The following ITGA5 variants were observed in gnomAD, a reference collection of about 807,000 sequenced individuals.
The protein encoded by ITGA5 is integrin subunit alpha 5.
A neutral mutation model predicts 146.3 loss-of-function variants in ITGA5; 55 were observed. That is an observed-to-expected ratio of 0.38 (90% confidence interval 0.30 to 0.47). ITGA5 has a LOEUF of 0.47. Among genes scored for constraint, ITGA5 ranks in the 20% least tolerant of loss-of-function variants. ITGA5 has a pLI of 0.99. For synonymous variants in ITGA5, 500 were observed against 531.8 expected (o/e 0.94, Z 0.82); for missense variants, 1,131 against 1,329.0 (o/e 0.85, Z 2.32).
rs898806137 is a variant in ITGA5, at chr12:54,401,457, C to T, written c.2409G>A (p.Val803=). Residue 803 remains valine, a synonymous_variant, in exon 24 of 30, where the codon GTG becomes GTA. Transcript: ENST00000293379. This position sits in a 1 kb window ranked among gnomAD's most constrained non-coding sequence, Gnocchi z 5.0. ...GATGCCAGTCGCTTACTGGGAATAG[C>T]ACTGCCTCAGGCTTGGAGACACTAA... ...TLNGVSKPEA[V]LFPVSDWHPR... is the part of the protein sequence containing the mutation. 1 of 1,614,002 alleles carries T rather than the reference C, an allele frequency of 6.2e-7. No homozygotes were observed. Among genetic ancestry groups the T allele is most frequent in the Non-Finnish European group, 8.5e-7 (1 of 1,179,976 alleles).
In ITGA5 at chr12:54,403,285, T is replaced by C; in HGVS notation, c.1816A>G (p.Ile606Val). The C allele has an allele frequency of 1.9e-6, 3 of 1,554,722 alleles. No individual in the cohort carries two copies. The highest frequency in any genetic ancestry group is 2.6e-6 in the Non-Finnish European group (3 of 1,153,490). The part of the protein sequence containing the change: ...EFRDKLSPIH[I>V]ALNFSLDPQA... ...GGGTCCAAGGAGAAGTTGAGAGCGA[T>C]GTGAATCGGCGAGAGTTTGTCTCGA... The change falls in exon 18 of 30, where the codon ATC becomes GTC. Residue 606 changes from isoleucine (I) to valine (V), a missense_variant. Transcript: ENST00000293379. The surrounding 1 kb of genome is among the most constrained non-coding windows in gnomAD (Gnocchi z 4.9).
chr12:54,407,420 G>A (rs2280080), intron 9 of ITGA5: 10,908 of 582,122 alleles, frequency 0.019, 292 homozygotes, highest in South Asian at 0.074. Context: ...CAGAACGATT[G>A]TTATCCCAGT....
intron 2 of ITGA5, 102 bp downstream of exon 2, chr12:54,411,732 G>C: frequency 9.7e-7 from 1 of 1,031,952 alleles, no homozygotes; most frequent in South Asian, 2.3e-5. Context: ...TCACGTGGCC[G>C]GGGTTCCAGC....
At position 54,399,716 on chromosome 12, in the gene ITGA5, C is replaced by T. The variant is rs201031426; in HGVS notation, c.2770G>A (p.Gly924Arg). 1.7e-5 allele frequency: 28 copies of T among 1,614,164 alleles called. No individual in the cohort carries two copies. The highest frequency in any genetic ancestry group is 4.5e-5 in the East Asian group (2 of 44,884). The change falls in exon 27 of 30, where the codon GGG (glycine) becomes AGG (arginine). Residue 924 changes from glycine to arginine, a missense_variant. By Grantham distance (125) the Gly-to-Arg change is moderately radical (BLOSUM62 -2). This residue lies in a region of ITGA5 where 889 missense variants were observed against 1,021.5 expected (regional missense o/e 0.87). Coordinates refer to ENST00000293379, the MANE Select transcript of ITGA5 (RefSeq NM_002205.5). ...AECFRLRCEL[G>R]PLHQQESQSL... The stretch of plus-strand genomic sequence containing the variant: ...TGGCTCTCTTGTTGGTGCAGGGGCC[C>T]GAGCTCACAGCGCAGCCTGAAACAC...
chr12:54,406,298 C>T (rs1310460318), intron 9 of ITGA5, among the ~76,000 whole-genome samples: 1 of 152,198 alleles, frequency 6.6e-6, no homozygotes, highest in Non-Finnish European at 1.5e-5. Flanking sequence ...ATAATTATGA[C>T]TGAATGTGTG....
intron 1 of ITGA5, among the ~76,000 whole-genome samples, chr12:54,418,293 A>G (rs1326507421): frequency 6.8e-6 from 1 of 146,728 alleles, no homozygotes; most frequent in East Asian, 2.1e-4. Context: ...CCCCAGTGCC[A>G]GGGTCCCCGC....
chr12:54,403,929 G>T lies in ITGA5; in HGVS notation c.1603C>A (p.His535Asn). The change falls in exon 16 of 30, where the codon CAC (histidine) becomes AAC (asparagine). Residue 535 changes from histidine (H) to asparagine (N), a missense_variant. Coordinates refer to ENST00000293379, the MANE Select transcript of ITGA5 (RefSeq NM_002205.5). This position sits in a 1 kb window ranked among gnomAD's most constrained non-coding sequence, Gnocchi z 4.9. ...LSFCLNASGK[H>N]VADSIGFTVE... ...CCCTCACCAATGGAGTCAGCAACGT[G>T]TTTTCCAGAAGCATTGAGGCAGAAG... 6.2e-7 allele frequency: 1 copy of T among 1,614,222 alleles called. No homozygotes were observed. The highest frequency in any genetic ancestry group is 8.5e-7 in the Non-Finnish European group (1 of 1,180,044).
At position 54,410,242 on chromosome 12, in the gene ITGA5, G is replaced by A. The variant is rs559758331; in HGVS notation, c.350-645C>T. ...GGATGCCTGCTGTGGAGCAGGGGCA[G>A]GAGGATGGTGGGGAACAGTGGCTAT... On this transcript the variant is annotated intron_variant, in intron 2 of 29. Transcript: ENST00000293379. Among the ~76,000 whole-genome samples, 24 of 152,300 alleles carry A rather than the reference G, an allele frequency of 1.6e-4. 1 individual carries two copies. The South Asian group carries it at 4.6e-3, about 29-fold the overall frequency.
chr12:54,414,462 G>C (rs1955980790), intron 1 of ITGA5, among the ~76,000 whole-genome samples: 1 of 152,184 alleles, frequency 6.6e-6, no homozygotes, highest in Non-Finnish European at 1.5e-5. Context: ...TTTGCTTTTG[G>C]CTGGAATTAT....
Position 54,401,826 on chromosome 12 carries a change from A to T in ITGA5, c.2256T>A (p.Pro752=). 1 of 1,614,112 alleles carries T rather than the reference A, an allele frequency of 6.2e-7. No individual in the cohort carries two copies. The highest frequency in any genetic ancestry group is 8.5e-7 in the Non-Finnish European group (1 of 1,179,982). ...SLWGGLRFTV[P]HLRDTKKTIQ... is the part of the protein sequence containing the mutation. ...TGGTTTTCTTAGTGTCCCGGAGATGAGGGACTGTAAACCGAAGGCCACCCC... is the reference window on the plus strand; with the variant it reads ...TGGTTTTCTTAGTGTCCCGGAGATGTGGGACTGTAAACCGAAGGCCACCCC... Residue 752 remains proline, a synonymous_variant, in exon 22 of 30, where the codon CCT becomes CCA. Transcript: ENST00000293379. This position sits in a 1 kb window ranked among gnomAD's most constrained non-coding sequence, Gnocchi z 5.0.
chr12:54,403,895 A>G lies in ITGA5; in HGVS notation c.1621+16T>C, dbSNP rs199756103. On this transcript the variant is annotated intron_variant, in intron 16 of 29. Coordinates refer to ENST00000293379, the MANE Select transcript of ITGA5 (RefSeq NM_002205.5). This position sits in a 1 kb window ranked among gnomAD's most constrained non-coding sequence, Gnocchi z 4.9. ...CTCTGTCCTAGGGCCTGAGAGATCC[A>G]GGCAGTCTCCCTCACCAATGGAGTC... 6.8e-5 allele frequency: 109 copies of G among 1,613,728 alleles called. No homozygotes were observed. In the East Asian group the frequency reaches 2.4e-3, roughly 35 times the overall value.
At chr12:54,410,426 A>G (rs1955928950) in intron 2 of ITGA5, among the ~76,000 whole-genome samples, 1 of 151,206 alleles carries the variant, frequency 6.6e-6, no homozygotes, top group Admixed American at 6.6e-5. Context: ...GCTCACTGCA[A>G]CCTTGACCTC....
At chr12:54,405,826 G>C in intron 10 of ITGA5, 44 bp downstream of exon 10, 1 of 1,604,394 alleles carries the variant, frequency 6.2e-7, no homozygotes, top group Non-Finnish European at 8.5e-7. Flanking sequence ...CTGGGGCTTC[G>C]TTGACAGAGG....
rs549415054 is a variant in ITGA5, at chr12:54,409,820, A to G, written c.350-223T>C. Reference sequence around the variant, plus strand: ...TACACACATACACATACACACACACACATACATACACACGCACGCACACGC... The same window carrying G: ...TACACACATACACATACACACACACGCATACATACACACGCACGCACACGC... On this transcript the variant is annotated intron_variant, in intron 2 of 29. Coordinates refer to ENST00000293379, the MANE Select transcript of ITGA5 (RefSeq NM_002205.5). This position sits in a 1 kb window ranked among gnomAD's most constrained non-coding sequence, Gnocchi z 4.7. 2.8e-5 allele frequency: 14 copies of G among 502,084 alleles called. No individual in the cohort carries two copies. Among genetic ancestry groups the G allele is most frequent in the African/African-American group, 2.7e-4 (14 of 50,990 alleles). The allele number at this position is 502,084 out of a possible 1,614,324, so 31.1% of individuals were successfully genotyped here. A position where few individuals can be genotyped will look rare whatever the true frequency, so the allele number is the denominator to read the frequency against.
At chr12:54,400,683 T>A in intron 25 of ITGA5, 163 bp downstream of exon 25, 1 of 618,008 alleles carries the variant, frequency 1.6e-6, no homozygotes. Context: ...AAGTCCTTTT[T>A]CCTCCAGAGG....
chr12:54,413,856 G>T (rs906023702), intron 1 of ITGA5, among the ~76,000 whole-genome samples: 6 of 152,210 alleles, frequency 3.9e-5, no homozygotes, highest in South Asian at 2.1e-4. Flanking sequence ...TGAAGAAGAG[G>T]TTCTCTCAAA....
intron 9 of ITGA5, 77 bp downstream of exon 9, chr12:54,407,572 C>G: frequency 8.1e-7 from 1 of 1,237,596 alleles, no homozygotes; most frequent in Non-Finnish European, 1.2e-6. Flanking sequence ...CTTTTTGAGC[C>G]CTTGCAAACT....
At position 54,399,755 on chromosome 12, in the gene ITGA5, A is replaced by G; in HGVS notation, c.2731T>C (p.Cys911Arg). 1 of 1,614,134 alleles carries G rather than the reference A, an allele frequency of 6.2e-7. No individual in the cohort carries two copies. Among genetic ancestry groups the G allele is most frequent in the Non-Finnish European group, 8.5e-7 (1 of 1,179,954 alleles). The change falls in exon 27 of 30, where the codon TGC becomes CGC. Residue 911 changes from cysteine (C) to arginine (R), a missense_variant. This residue lies in a region of ITGA5 where 889 missense variants were observed against 1,021.5 expected (regional missense o/e 0.87). Transcript: ENST00000293379. ...AGCCTGAAACACTCAGCCTCCGGGCATTTCTAGGAAGAAAGAAGCTTGAAC... is the reference window on the plus strand; with the variant it reads ...AGCCTGAAACACTCAGCCTCCGGGCGTTTCTAGGAAGAAAGAAGCTTGAAC... The part of the protein sequence containing the change: ...SASSGPQILK[C>R]PEAECFRLRC...
intron 27 of ITGA5, 133 bp from the exon 28 acceptor site, chr12:54,398,831 CTCTCTTT>C: frequency 5.1e-5 from 23 of 449,190 alleles, no homozygotes; most frequent in South Asian, 3.9e-4. Flanking sequence ...CTCTCTCTCT[CTCTCTTT>C]TTTTTTTTTT....
Sources: gnomAD v4.1 joint callset for allele counts (sites outside exome capture counted in the v4.1 genomes callset) on GRCh38, gnomAD v4.1.1 for gene constraint, gnomAD v4.1.1 regional missense constraint, Gnocchi (gnomAD v3.1) non-coding constraint, MANE v1.5 for transcripts, NCBI Gene and HGNC (gene_info 2026-07-23, HGNC 2026-07-21) for gene names.